The following RAD51B variants were observed in gnomAD, a reference collection of about 807,000 sequenced individuals.
RAD51B encodes DNA repair protein RAD51 homolog 2.
RAD51B carries 38 observed loss-of-function variants against 42.2 expected under a neutral mutation model. The observed-to-expected ratio is 0.90, with a 90% CI of 0.70 to 1.18. The LOEUF (loss-of-function observed/expected upper bound fraction) is 1.18. Among genes scored for constraint, RAD51B ranks in the 50% most tolerant of loss-of-function variants. The pLI, the probability that RAD51B is intolerant of heterozygous loss-of-function variation, is 0.00. For synonymous variants in RAD51B, 154 were observed against 145.2 expected, an observed-to-expected ratio of 1.06 and a Z score of -0.43; for missense variants, 373 against 400.7, an observed-to-expected ratio of 0.93 and a Z score of 0.59.
chr14:68,505,059 C>T (rs2842347), intron 10 of RAD51B, among the ~76,000 whole-genome samples: 78,985 of 152,048 alleles, frequency 0.52, 22,822 homozygotes, highest in East Asian at 0.92. Flanking sequence ...TTTGTCATTA[C>T]GTGTTTTCTT....
chr14:68,135,891 C>T lies in RAD51B; in HGVS notation c.757-155993C>T, dbSNP rs1191700579. 3.9e-5 allele frequency among the ~76,000 whole-genome samples: 6 copies of T among 152,266 alleles called. No homozygotes were observed. The East Asian group carries it at 5.8e-4, about 15-fold the overall frequency. On this transcript the variant is annotated intron_variant, in intron 7 of 10. Transcript: ENST00000471583. Reference sequence around the variant, plus strand: ...GGCTGAAGATTCTAAATATGAGATTCCAAAGTCCACCGTTCACCATATTCT... The same window carrying T: ...GGCTGAAGATTCTAAATATGAGATTTCAAAGTCCACCGTTCACCATATTCT...
chr14:68,387,805 A>G (rs1281482252), intron 8 of RAD51B, among the ~76,000 whole-genome samples: 1 of 152,212 alleles, frequency 6.6e-6, no homozygotes, highest in Non-Finnish European at 1.5e-5. Context: ...CACTGTCGCT[A>G]CATAGCCACC....
chr14:68,063,924 G>A (rs999187508), intron 7 of RAD51B, among the ~76,000 whole-genome samples: 1 of 152,100 alleles, frequency 6.6e-6, no homozygotes, highest in African/African-American at 2.4e-5. Context: ...GTTTTCTGCT[G>A]TTTTATATGT....
chr14:68,607,654 C>G (rs199757874), intron 10 of RAD51B, among the ~76,000 whole-genome samples: 1 of 76,476 alleles, frequency 1.3e-5, no homozygotes, highest in Non-Finnish European at 2.4e-5. Context: ...TTCCATTTAT[C>G]TTCTTCTTCC....
chr14:68,220,875 G>T (rs2079912755), intron 7 of RAD51B, among the ~76,000 whole-genome samples: 1 of 152,188 alleles, frequency 6.6e-6, no homozygotes. Context: ...GCTCACACCT[G>T]TAATCCCAGC....
At chr14:68,292,979 T>C (rs1253268771) in intron 8 of RAD51B, among the ~76,000 whole-genome samples, 3 of 152,212 alleles carry the variant, frequency 2.0e-5, no homozygotes, top group African/African-American at 7.2e-5. Flanking sequence ...CTGAAACTTT[T>C]GTCATCAAGT....
intron 10 of RAD51B, among the ~76,000 whole-genome samples, chr14:68,535,578 G>A (rs1887568433): frequency 6.6e-6 from 1 of 152,132 alleles, no homozygotes; most frequent in Non-Finnish European, 1.5e-5. Context: ...GGATCACCAG[G>A]CTGACTCACT....
intron 7 of RAD51B, among the ~76,000 whole-genome samples, chr14:68,148,404 A>G (rs2078301430): frequency 6.6e-6 from 1 of 152,236 alleles, no homozygotes; most frequent in Non-Finnish European, 1.5e-5. Context: ...AGAAACTGCC[A>G]AACTGTCTGT....
At chr14:68,091,795 T>A (rs1381640857) in intron 7 of RAD51B, among the ~76,000 whole-genome samples, 2 of 152,196 alleles carry the variant, frequency 1.3e-5, no homozygotes, top group Non-Finnish European at 2.9e-5. Flanking sequence ...CTGAATGGTA[T>A]TGCCTAGGTT....
chr14:68,165,751 T>C (rs933400552), intron 7 of RAD51B, among the ~76,000 whole-genome samples: 10 of 152,196 alleles, frequency 6.6e-5, no homozygotes, highest in African/African-American at 2.2e-4. Flanking sequence ...CTTCCTTTTT[T>C]AGTAATGATT....
intron 7 of RAD51B, among the ~76,000 whole-genome samples, chr14:67,934,813 G>T (rs1004550376): frequency 2.0e-5 from 3 of 152,134 alleles, no homozygotes; most frequent in Non-Finnish European, 4.4e-5. Flanking sequence ...TTATTGATGG[G>T]GGGGAATGTC....
intron 7 of RAD51B, among the ~76,000 whole-genome samples, chr14:68,091,262 C>T (rs2077094364): frequency 1.3e-5 from 2 of 152,226 alleles, no homozygotes; most frequent in African/African-American, 2.4e-5. Flanking sequence ...TTCTAGATCC[C>T]TGAGGAACCA....
At chr14:68,021,707 A>G (rs2075869716) in intron 7 of RAD51B, among the ~76,000 whole-genome samples, 1 of 152,226 alleles carries the variant, frequency 6.6e-6, no homozygotes, top group Non-Finnish European at 1.5e-5. Flanking sequence ...CAGTTATAGC[A>G]ATAAAGTGGG....
At chr14:68,655,754 G>A (rs915196568) in intron 11 of RAD51B, among the ~76,000 whole-genome samples, 6 of 152,254 alleles carry the variant, frequency 3.9e-5, no homozygotes, top group Non-Finnish European at 7.3e-5. Context: ...AGAGGGCAGG[G>A]AGGAGCTGGA....
chr14:68,396,380 CCTT>C (rs1489899215), intron 8 of RAD51B, among the ~76,000 whole-genome samples: 1 of 152,140 alleles, frequency 6.6e-6, no homozygotes, highest in East Asian at 1.9e-4. Flanking sequence ...TTCACATTCA[CCTT>C]CTGCTGGTTC....
intron 9 of RAD51B, among the ~76,000 whole-genome samples, chr14:68,429,207 A>G (rs1367637426): frequency 6.6e-5 from 10 of 152,166 alleles, no homozygotes; most frequent in Non-Finnish European, 1.0e-4. Context: ...TAGTGCTGCA[A>G]TAAACATACG....
intron 10 of RAD51B, among the ~76,000 whole-genome samples, chr14:68,568,709 G>A (rs1373933155): frequency 6.6e-6 from 1 of 152,118 alleles, no homozygotes; most frequent in Non-Finnish European, 1.5e-5. Flanking sequence ...CTCAGGAACG[G>A]GCAGCCATTT....
rs112783674 is a variant in RAD51B, at chr14:68,251,564, C to T, written c.757-40320C>T. 2.7e-3 allele frequency among the ~76,000 whole-genome samples: 417 copies of T among 152,222 alleles called. 1 individual carries two copies. Among genetic ancestry groups the T allele is most frequent in the African/African-American group, 9.5e-3 (396 of 41,518 alleles). On this transcript the variant is annotated intron_variant, in intron 7 of 10. Transcript: ENST00000471583. ...ATAATTTTAAGAAAAGAGACTTTCC[C>T]ATGATGAGCTTTAGTCTGAAGCATC...
intron 7 of RAD51B, among the ~76,000 whole-genome samples, chr14:68,200,293 T>A (rs1389646008): frequency 6.6e-6 from 1 of 152,184 alleles, no homozygotes; most frequent in African/African-American, 2.4e-5. Flanking sequence ...GGCTTTGATT[T>A]GGGGATTATT....
Sources: gnomAD v4.1 joint callset for allele counts (sites outside exome capture counted in the v4.1 genomes callset) on GRCh38, gnomAD v4.1.1 for gene constraint, MANE v1.5 for transcripts, NCBI Gene and HGNC (gene_info 2026-07-23, HGNC 2026-07-21) for gene names.